SLC12A2: variants seen among roughly 807,000 people sequenced by gnomAD.
SLC12A2 encodes Na-K-2Cl cotransporter 1.
Under a neutral mutation model 136.3 loss-of-function variants are expected in SLC12A2, and 67 were observed. The observed-to-expected ratio is 0.49, with a 90% confidence interval of 0.40 to 0.60. SLC12A2 has a LOEUF of 0.60. Among genes scored for constraint, SLC12A2 ranks in the 20% least tolerant of loss-of-function variants. The pLI, the probability that SLC12A2 is intolerant of heterozygous loss-of-function variation, is 0.00. For missense variants in SLC12A2, 1,322 were observed against 1,534.7 expected, an observed-to-expected ratio of 0.86 and a Z score of 2.32; for synonymous variants, 619 against 562.9, an observed-to-expected ratio of 1.10 and a Z score of -1.41.
At chr5:128,140,791 A>G (rs879749033) in intron 9 of SLC12A2, among the ~76,000 whole-genome samples, 1 of 151,872 alleles carries the variant, frequency 6.6e-6, no homozygotes, top group African/African-American at 2.4e-5. Context: ...GCAAGGCTCT[A>G]TTCTCCCCCC....
At position 128,148,859 on chromosome 5, in the gene SLC12A2, C is replaced by A. The variant is rs34725111; in HGVS notation, c.1987C>A (p.Leu663Ile). ...CTACATCTTAACATTCTTAATTGCA[C>A]TTGGATTCATCTTAATTGGTTAGTT... ...RGYILTFLIA[L>I]GFILIAELNV... Residue 663 changes from leucine (L) to isoleucine (I), a missense_variant, in exon 12 of 27, where the codon CTT becomes ATT. Physicochemically the swap from Leu to Ile is conservative, Grantham distance 5. Coordinates refer to ENST00000262461, the MANE Select transcript of SLC12A2 (RefSeq NM_001046.3). 20 of 1,600,336 alleles carry A rather than the reference C, an allele frequency of 1.2e-5. No individual in the cohort carries two copies. Among genetic ancestry groups the A allele is most frequent in the Non-Finnish European group, 1.6e-5 (19 of 1,174,724 alleles).
At chr5:128,118,689 T>C (rs1177396124) in intron 4 of SLC12A2, among the ~76,000 whole-genome samples, 1 of 152,180 alleles carries the variant, frequency 6.6e-6, no homozygotes, top group Non-Finnish European at 1.5e-5. Flanking sequence ...AACTTACCCA[T>C]GTAACCAAAA....
intron 22 of SLC12A2, among the ~76,000 whole-genome samples, chr5:128,179,714 C>CA (rs1334967879): frequency 6.6e-6 from 1 of 152,064 alleles, no homozygotes; most frequent in African/African-American, 2.4e-5. Flanking sequence ...CAAAGACAAG[C>CA]ACCAAACCTT....
At chr5:128,152,897 T>A in intron 15 of SLC12A2, 92 bp downstream of exon 15, 2 of 808,104 alleles carry the variant, frequency 2.5e-6, no homozygotes, top group South Asian at 2.8e-5. Flanking sequence ...ACATTTCACA[T>A]TTTTAATCGG....
At chr5:128,130,940 T>C in intron 4 of SLC12A2, 127 bp from the exon 5 acceptor site, 2 of 768,742 alleles carry the variant, frequency 2.6e-6, no homozygotes, top group South Asian at 1.8e-5. Flanking sequence ...GTCACTCACT[T>C]GCCTCTTTAA....
chr5:128,110,043 C>A, intron 1 of SLC12A2: 1 of 1,053,216 alleles, frequency 9.5e-7, no homozygotes, highest in Non-Finnish European at 1.5e-6. Flanking sequence ...TGGACAGAGG[C>A]AGAGCCTGTG....
chr5:128,182,802 C>T, intron 23 of SLC12A2, 53 bp from the exon 24 acceptor site: 1 of 1,260,888 alleles, frequency 7.9e-7, no homozygotes, highest in Non-Finnish European at 1.1e-6. Context: ...ATGGATTCAG[C>T]CCAATATAGA....
chr5:128,132,517 A>C (rs1366162674), intron 5 of SLC12A2, among the ~76,000 whole-genome samples: 1 of 152,258 alleles, frequency 6.6e-6, no homozygotes, highest in African/African-American at 2.4e-5. Flanking sequence ...AAGAACCATG[A>C]GTATATCCAA....
At chr5:128,124,389 C>T (rs927418093) in intron 4 of SLC12A2, among the ~76,000 whole-genome samples, 2 of 152,166 alleles carry the variant, frequency 1.3e-5, no homozygotes, top group African/African-American at 4.8e-5. Flanking sequence ...CTTCAAATGC[C>T]AGTTGCAATT....
At chr5:128,106,346 C>G (rs1489207554) in intron 1 of SLC12A2, among the ~76,000 whole-genome samples, 2 of 152,026 alleles carry the variant, frequency 1.3e-5, no homozygotes, top group Non-Finnish European at 2.9e-5. Context: ...CTTGAACCTC[C>G]TTGATTATAC....
At chr5:128,090,511 C>T (rs1184341548) in intron 1 of SLC12A2, among the ~76,000 whole-genome samples, 1 of 152,110 alleles carries the variant, frequency 6.6e-6, no homozygotes, top group Non-Finnish European at 1.5e-5. Flanking sequence ...CCTTGTTGAA[C>T]ATCAACAACA....
At chr5:128,110,494 T>A (rs1483695411) in intron 1 of SLC12A2, 6 of 1,425,852 alleles carry the variant, frequency 4.2e-6, no homozygotes, top group African/African-American at 1.4e-5. Flanking sequence ...TTTCACCAAC[T>A]TTTTCTTCTT....
chr5:128,185,689 C>T (rs1458848991), intron 26 of SLC12A2, among the ~76,000 whole-genome samples: 4 of 152,032 alleles, frequency 2.6e-5, no homozygotes, highest in Admixed American at 6.6e-5. Context: ...TGCATTTATC[C>T]ATATATAGCT....
intron 26 of SLC12A2, among the ~76,000 whole-genome samples, chr5:128,185,916 A>G (rs1447915431): frequency 6.6e-6 from 1 of 152,100 alleles, no homozygotes; most frequent in Non-Finnish European, 1.5e-5. Context: ...TAAGATTATA[A>G]TACCATATGT....
chr5:128,100,796 T>G (rs1180144207), intron 1 of SLC12A2, among the ~76,000 whole-genome samples: 2 of 152,206 alleles, frequency 1.3e-5, no homozygotes, highest in Non-Finnish European at 2.9e-5. Context: ...TAATTGATAC[T>G]GGAAGGTGTA....
Position 128,083,967 on chromosome 5 carries a change from C to A in SLC12A2, c.13C>A (p.Pro5Thr). Residue 5 changes from proline to threonine, a missense_variant, in exon 1 of 27, where the codon CCC (proline) becomes ACC (threonine). Pro to Thr is a conservative substitution (Grantham distance 38, BLOSUM62 -1). This residue lies in a region of SLC12A2 where 358 missense variants were observed against 299.7 expected (regional missense o/e 1.19). Coordinates refer to ENST00000262461, the MANE Select transcript of SLC12A2 (RefSeq NM_001046.3). Reference protein sequence around the residue: MEPRPTAPSSGAPGL... With the variant: MEPRTTAPSSGAPGL... ...GGGTCGGGCAGCTATGGAGCCGCGG[C>A]CCACGGCGCCCTCCTCCGGCGCCCC... The A allele has an allele frequency of 8.1e-7, 1 of 1,238,316 alleles. No homozygotes were observed. The highest frequency in any genetic ancestry group is 3.2e-5 in the East Asian group (1 of 30,838). 76.7% of individuals were successfully genotyped at this position (1,238,316 alleles called of 1,614,324 possible).
At chr5:128,142,672 G>C (rs1244296612) in intron 10 of SLC12A2, among the ~76,000 whole-genome samples, 1 of 151,868 alleles carries the variant, frequency 6.6e-6, no homozygotes, top group Non-Finnish European at 1.5e-5. Context: ...GTTGATCTTC[G>C]TGTCTGTCCT....
chr5:128,148,908 A>G, intron 12 of SLC12A2, 31 bp downstream of exon 12: 1 of 1,542,392 alleles, frequency 6.5e-7, no homozygotes, highest in Non-Finnish European at 8.8e-7. Context: ...GTTATTGTAG[A>G]TTTTTGGTGC....
Position 128,186,518 on chromosome 5 carries a change from G to T in SLC12A2, c.3526G>T (p.Gly1176Cys), listed in dbSNP as rs776190301. Residue 1176 changes from glycine (G) to cysteine (C), a missense_variant, in exon 27 of 27, where the codon GGT becomes TGT. Physicochemically the swap from Gly to Cys is radical, Grantham distance 159. This residue lies in a region of SLC12A2 where 172 missense variants were observed against 227.4 expected (regional missense o/e 0.76). Transcript: ENST00000262461. ...CAGGAGTCTCCCAGTTGCACGAAAAGGTGCTGTGTCTAGTGCTCTCTACAT... is the reference window on the plus strand; with the variant it reads ...CAGGAGTCTCCCAGTTGCACGAAAATGTGCTGTGTCTAGTGCTCTCTACAT... ...IVMSLPVARKGAVSSALYMAW... is the reference protein window; with the variant it reads ...IVMSLPVARKCAVSSALYMAW... The T allele has an allele frequency of 2.5e-6, 4 of 1,609,482 alleles. No individual in the cohort carries two copies. The highest frequency in any genetic ancestry group is 3.4e-6 in the Non-Finnish European group (4 of 1,178,600).
Sources: allele counts gnomAD v4.1 joint callset (sites outside exome capture counted in the v4.1 genomes callset), GRCh38; gene constraint gnomAD v4.1.1; regional missense constraint gnomAD v4.1.1; transcripts MANE v1.5; gene names NCBI Gene and HGNC (gene_info 2026-07-23, HGNC 2026-07-21).